ARHGEF4: variants seen among roughly 807,000 people sequenced by gnomAD.
ARHGEF4 encodes the protein Rho guanine nucleotide exchange factor 4.
In ARHGEF4, 119 loss-of-function variants were observed where a neutral mutation model predicts 162.0. That is an observed-to-expected ratio of 0.73 (90% CI 0.63 to 0.86). ARHGEF4 has a LOEUF of 0.86. Among genes scored for constraint, ARHGEF4 ranks in the 40% least tolerant of loss-of-function variants. ARHGEF4 has a pLI of 0.00. For missense variants in ARHGEF4, 2,488 were observed against 2,456.0 expected (o/e 1.01, Z -0.28); for synonymous variants, 1,014 against 979.9 (o/e 1.03, Z -0.65).
intron 4 of ARHGEF4, among the ~76,000 whole-genome samples, chr2:130,950,026 G>A (rs1383249990): frequency 6.6e-6 from 1 of 152,202 alleles, no homozygotes; most frequent in East Asian, 1.9e-4. Context: ...CCCCAGCAGT[G>A]GTGTGTTGTT....
At chr2:131,029,639 C>T (rs1468190825) in intron 5 of ARHGEF4, among the ~76,000 whole-genome samples, 1 of 151,698 alleles carries the variant, frequency 6.6e-6, no homozygotes, top group Non-Finnish European at 1.5e-5. Flanking sequence ...CTGCCACCTC[C>T]GCCTCCCAGG....
chr2:130,886,622 A>G (rs1181620943), intron 1 of ARHGEF4, among the ~76,000 whole-genome samples: 4 of 151,314 alleles, frequency 2.6e-5, no homozygotes, highest in Non-Finnish European at 4.4e-5. Flanking sequence ...TGGAGCTTGC[A>G]GTGAGCCGAG....
intron 1 of ARHGEF4, 29 bp downstream of exon 1, chr2:130,837,021 C>T: frequency 3.3e-6 from 4 of 1,226,704 alleles, no homozygotes; most frequent in Non-Finnish European, 4.1e-6. Flanking sequence ...GACTTGCGGT[C>T]GGGCTCCCGG....
chr2:130,886,357 GA>G (rs1389888456), intron 1 of ARHGEF4, among the ~76,000 whole-genome samples: 1 of 151,140 alleles, frequency 6.6e-6, no homozygotes, highest in South Asian at 2.1e-4. Context: ...GTTACTTTCT[GA>G]AAAAAAATTC....
At chr2:130,939,916 T>C (rs2105130044) in intron 3 of ARHGEF4, among the ~76,000 whole-genome samples, 1 of 152,340 alleles carries the variant, frequency 6.6e-6, no homozygotes, top group East Asian at 1.9e-4. Context: ...TGCGATTGAT[T>C]TTTATGTGTT....
chr2:130,870,211 C>G (rs548149346), intron 1 of ARHGEF4, among the ~76,000 whole-genome samples: 8 of 152,306 alleles, frequency 5.3e-5, no homozygotes, highest in African/African-American at 1.9e-4. Context: ...GCACCTCCTC[C>G]CCAGCCCAGG....
chr2:131,028,223 T>G (rs1041604273), intron 5 of ARHGEF4, 139 bp downstream of exon 5: 24 of 1,261,320 alleles, frequency 1.9e-5, no homozygotes, highest in South Asian at 6.1e-5. Flanking sequence ...CAGCGCAGTT[T>G]CAGCCTGCAG....
chr2:130,986,511 G>A (rs1686510264), intron 4 of ARHGEF4, among the ~76,000 whole-genome samples: 1 of 152,192 alleles, frequency 6.6e-6, no homozygotes. Context: ...AGCTCAGAGG[G>A]CGCTGGGGCC....
chr2:131,043,990 C>T (rs1312448391), intron 11 of ARHGEF4, among the ~76,000 whole-genome samples: 2 of 152,210 alleles, frequency 1.3e-5, no homozygotes, highest in Non-Finnish European at 2.9e-5. Flanking sequence ...TCCATGAAGC[C>T]CTCCTTGTCC....
intron 1 of ARHGEF4, among the ~76,000 whole-genome samples, chr2:130,862,605 C>G (rs966938014): frequency 2.5e-5 from 1 of 39,922 alleles, no homozygotes; most frequent in African/African-American, 3.8e-4. Flanking sequence ...CACAGTGGCT[C>G]ACGCCTGTAA....
At chr2:130,995,198 C>T (rs373313433) in intron 4 of ARHGEF4, among the ~76,000 whole-genome samples, 8 of 152,210 alleles carry the variant, frequency 5.3e-5, no homozygotes, top group East Asian at 1.9e-4. Flanking sequence ...CAGCATCTCT[C>T]GCCTTCTCCT....
Position 130,915,722 on chromosome 2 carries a change from C to T in ARHGEF4, c.1776C>T (p.Ala592=), listed in dbSNP as rs1339919160. The T allele has an allele frequency of 2.6e-6, 4 of 1,549,304 alleles. No homozygotes were observed. The highest frequency in any genetic ancestry group is 1.7e-6 in the Non-Finnish European group (2 of 1,146,188). ...ALQGLSEFKA[A]TVSHCGPGAE... ...AAGGTCTTTCAGAATTCAAGGCAGC[C>T]ACGGTGTCTCACTGCGGCCCCGGGG... The change falls in exon 2 of 14, where the codon GCC becomes GCT. Residue 592 remains alanine, a synonymous_variant. Coordinates refer to ENST00000409359, the MANE Select transcript of ARHGEF4 (RefSeq NM_001367493.1).
chr2:131,013,932 A>T (rs1171776429), intron 4 of ARHGEF4, among the ~76,000 whole-genome samples: 1 of 152,232 alleles, frequency 6.6e-6, no homozygotes, highest in Non-Finnish European at 1.5e-5. Context: ...CTCAGCTATA[A>T]TCTACCATGA....
intron 4 of ARHGEF4, among the ~76,000 whole-genome samples, chr2:130,962,670 AC>A (rs1451535880): frequency 6.6e-6 from 1 of 152,052 alleles, no homozygotes; most frequent in Non-Finnish European, 1.5e-5. Flanking sequence ...GTTTTCTAGC[AC>A]CCACCCTATA....
chr2:130,889,097 C>T (rs1679696782), intron 1 of ARHGEF4, among the ~76,000 whole-genome samples: 1 of 146,286 alleles, frequency 6.8e-6, no homozygotes. Context: ...AAGAACAAAA[C>T]TCCATCTCAA....
intron 5 of ARHGEF4, chr2:131,035,986 T>A: frequency 4.3e-6 from 2 of 465,072 alleles, no homozygotes; most frequent in African/African-American, 2.1e-5. Flanking sequence ...GTCTCAAATG[T>A]GCACCTCCAT....
intron 4 of ARHGEF4, among the ~76,000 whole-genome samples, chr2:130,962,237 C>CA (rs11332592): frequency 2.5e-4 from 31 of 122,330 alleles, no homozygotes; most frequent in South Asian, 8.1e-4. Context: ...GTTTCCGTTT[C>CA]AAAAAAAAAA....
At chr2:130,955,432 T>C (rs528055335) in intron 4 of ARHGEF4, among the ~76,000 whole-genome samples, 3 of 152,328 alleles carry the variant, frequency 2.0e-5, no homozygotes, top group East Asian at 1.9e-4. Context: ...TTGCTATTAT[T>C]ATTTGCTTAT....
At chr2:130,924,099 T>C (rs2105081733) in intron 2 of ARHGEF4, among the ~76,000 whole-genome samples, 1 of 151,874 alleles carries the variant, frequency 6.6e-6, no homozygotes, top group East Asian at 2.0e-4. Flanking sequence ...GCCAGGATGG[T>C]CTCGATCTCC....
Sources: gnomAD v4.1 joint callset for allele counts (sites outside exome capture counted in the v4.1 genomes callset) on GRCh38, gnomAD v4.1.1 for gene constraint, MANE v1.5 for transcripts, NCBI Gene and HGNC (gene_info 2026-07-23, HGNC 2026-07-21) for gene names.